ACYP2: variants seen among roughly 807,000 people sequenced by gnomAD.
ACYP2 encodes the protein acylphosphatase-2.
Under a neutral mutation model 11.2 loss-of-function variants are expected in ACYP2, and 12 were observed. The ratio of observed to expected loss-of-function variants is 1.08; its 90% CI spans 0.69 to 1.74. The LOEUF (loss-of-function observed/expected upper bound fraction) is 1.74. Ranked by LOEUF, ACYP2 falls within the 40% of genes most tolerant of loss-of-function variation. The pLI is 0.00. For missense variants in ACYP2, 134 were observed against 101.9 expected (o/e 1.31, Z -1.35); for synonymous variants, 43 against 32.2 (o/e 1.33, Z -1.13).
At chr2:54,091,673 G>A (rs1035584073) in intron 4 of ACYP2, among the ~76,000 whole-genome samples, 11 of 151,860 alleles carry the variant, frequency 7.2e-5, no homozygotes, top group Middle Eastern at 3.2e-3. Context: ...CACCATGCCC[G>A]GCTAATTTGT....
At chr2:54,080,295 C>G (rs1287144215) in intron 4 of ACYP2, 1 of 152,206 alleles carries the variant, frequency 6.6e-6, no homozygotes, top group East Asian at 1.9e-4. Context: ...AGCAAGGACC[C>G]TAAAAACAAT....
chr2:54,097,640 A>C (rs967152419), intron 4 of ACYP2, among the ~76,000 whole-genome samples: 1 of 151,900 alleles, frequency 6.6e-6, no homozygotes, highest in Non-Finnish European at 1.5e-5. Context: ...CACAGCTTCC[A>C]CAATTTGCAA....
intron 6 of ACYP2, among the ~76,000 whole-genome samples, chr2:54,228,997 A>C (rs1301247732): frequency 1.3e-5 from 2 of 152,194 alleles, no homozygotes; most frequent in Admixed American, 1.3e-4. Context: ...TCCCCTACTG[A>C]GGGCTGAAGT....
chr2:54,005,372 T>C (rs1402971220), intron 2 of ACYP2, among the ~76,000 whole-genome samples: 3 of 151,458 alleles, frequency 2.0e-5, no homozygotes, highest in Admixed American at 6.6e-5. Flanking sequence ...CGGAGTCTTA[T>C]TCTGTTTCCC....
intron 6 of ACYP2, among the ~76,000 whole-genome samples, chr2:54,224,805 T>C (rs1182330268): frequency 1.3e-5 from 2 of 152,244 alleles, no homozygotes; most frequent in Admixed American, 1.3e-4. Context: ...ATAAGTATTA[T>C]GTCTGCCCTC....
intron 6 of ACYP2, among the ~76,000 whole-genome samples, chr2:54,202,880 T>G (rs1332265648): frequency 6.6e-6 from 1 of 151,422 alleles, no homozygotes; most frequent in African/African-American, 2.4e-5. Flanking sequence ...AGTTTTATAG[T>G]AAGTTTTCAA....
At chr2:54,037,931 CT>C (rs1466594121) in intron 2 of ACYP2, among the ~76,000 whole-genome samples, 2 of 152,180 alleles carry the variant, frequency 1.3e-5, no homozygotes, top group African/African-American at 4.8e-5. Flanking sequence ...CTAGCAGGTG[CT>C]TTTCACTGTG....
intron 2 of ACYP2, among the ~76,000 whole-genome samples, chr2:53,983,349 T>G (rs1423188879): frequency 6.6e-6 from 1 of 151,980 alleles, no homozygotes; most frequent in South Asian, 2.1e-4. Context: ...CTACAAAATA[T>G]ACAAAAATTA....
At chr2:54,227,346 A>T (rs1343906353) in intron 6 of ACYP2, among the ~76,000 whole-genome samples, 2 of 152,126 alleles carry the variant, frequency 1.3e-5, no homozygotes, top group African/African-American at 4.8e-5. Context: ...TCCACTTATA[A>T]AGTATGCACA....
chr2:54,273,653 A>G (rs964365350), intron 6 of ACYP2, among the ~76,000 whole-genome samples: 1 of 152,180 alleles, frequency 6.6e-6, no homozygotes, highest in Non-Finnish European at 1.5e-5. Flanking sequence ...TTTAGTAGAG[A>G]TGGCATTTCA....
At chr2:54,095,531 C>T (rs1572738845) in intron 4 of ACYP2, among the ~76,000 whole-genome samples, 1 of 149,718 alleles carries the variant, frequency 6.7e-6, no homozygotes, top group East Asian at 2.0e-4. Context: ...CCCCACCTCC[C>T]TCCCGGACGG....
chr2:54,066,957 TTGAATC>T (rs1676782812), intron 4 of ACYP2, among the ~76,000 whole-genome samples: 1 of 152,208 alleles, frequency 6.6e-6, no homozygotes, highest in Non-Finnish European at 1.5e-5. Flanking sequence ...CAGATGGAGT[TTGAATC>T]TGAGATTTGA....
chr2:54,168,118 C>T (rs1289305843), intron 6 of ACYP2, among the ~76,000 whole-genome samples: 1 of 151,938 alleles, frequency 6.6e-6, no homozygotes, highest in Admixed American at 6.6e-5. Flanking sequence ...CAGACAAAAC[C>T]ACTGTGTCAA....
chr2:54,145,729 AAAC>A (rs1180985190), intron 6 of ACYP2, among the ~76,000 whole-genome samples: 1 of 152,196 alleles, frequency 6.6e-6, no homozygotes, highest in African/African-American at 2.4e-5. Context: ...TTAATCTATA[AAAC>A]AACAATTTCA....
chr2:54,076,437 C>A (rs1677347348), intron 4 of ACYP2, among the ~76,000 whole-genome samples: 1 of 152,140 alleles, frequency 6.6e-6, no homozygotes, highest in African/African-American at 2.4e-5. Flanking sequence ...GAAGATCGCA[C>A]TGCTAGTTAA....
chr2:54,012,762 ATCC>A (rs1480520475), intron 2 of ACYP2, among the ~76,000 whole-genome samples: 1 of 151,972 alleles, frequency 6.6e-6, no homozygotes, highest in Non-Finnish European at 1.5e-5. Flanking sequence ...TCCTACCCCT[ATCC>A]TCTTTCTCAA....
chr2:54,203,917 A>G (rs1684959139), intron 6 of ACYP2, among the ~76,000 whole-genome samples: 1 of 150,854 alleles, frequency 6.6e-6, no homozygotes, highest in Non-Finnish European at 1.5e-5. Flanking sequence ...ACGGCCCAGG[A>G]TAGTTTTGAA....
At chr2:53,973,239 T>A (rs1220055532) in intron 1 of ACYP2, among the ~76,000 whole-genome samples, 1 of 152,018 alleles carries the variant, frequency 6.6e-6, no homozygotes, top group Admixed American at 6.6e-5. Flanking sequence ...GAAATCTGAT[T>A]ATGGTGACAA....
At chr2:54,098,067 A>G (rs1489231969) in intron 4 of ACYP2, among the ~76,000 whole-genome samples, 1 of 150,416 alleles carries the variant, frequency 6.6e-6, no homozygotes, top group African/African-American at 2.4e-5. Context: ...GGTTCAAGCA[A>G]TTCTCCTGCC....
Sources: allele counts gnomAD v4.1 joint callset (sites outside exome capture counted in the v4.1 genomes callset), GRCh38; gene constraint gnomAD v4.1.1; transcripts MANE v1.5; gene names NCBI Gene and HGNC (gene_info 2026-07-23, HGNC 2026-07-21).